The following CDH11 variants were observed in gnomAD, a reference collection of about 807,000 sequenced individuals.
The protein encoded by CDH11 is cadherin-11.
In CDH11, 11 loss-of-function variants were observed where a neutral mutation model predicts 67.8. The observed-to-expected ratio is 0.16, with a 90% CI of 0.10 to 0.27. CDH11 has a LOEUF of 0.27. Among genes scored for constraint, CDH11 ranks in the 10% least tolerant of loss-of-function variants. CDH11 has a pLI of 1.00. For synonymous variants in CDH11, 419 were observed against 400.0 expected (o/e 1.05, Z -0.57); for missense variants, 847 against 1,031.2 (o/e 0.82, Z 2.45).
In CDH11 at chr16:65,121,137, C is replaced by G. The variant is rs574928417; in HGVS notation, c.-298+743G>C. On this transcript the variant is annotated intron_variant, in intron 1 of 12. Transcript: ENST00000268603. The surrounding 1 kb of genome is among the most constrained non-coding windows in gnomAD (Gnocchi z 4.1). ...GCTTTCGCCAATCCCAAGCCAGAGG[C>G]GAGCCCGAGTCTGGGCCGCTCATGG... Among the ~76,000 whole-genome samples the G allele has an allele frequency of 2.0e-5, 3 of 152,118 alleles. No individual in the cohort carries two copies. The highest frequency in any genetic ancestry group is 6.5e-5 in the Admixed American group (1 of 15,286).
intron 2 of CDH11, among the ~76,000 whole-genome samples, chr16:65,045,582 C>T (rs111880789): frequency 2.3e-4 from 35 of 151,924 alleles, no homozygotes; most frequent in African/African-American, 8.5e-4. Flanking sequence ...CCCTTTACTT[C>T]CCTGATTTAT....
chr16:65,005,138 C>T (rs2073020736), intron 2 of CDH11, 97 bp from the exon 3 acceptor site: 10 of 1,127,382 alleles, frequency 8.9e-6, no homozygotes, highest in African/African-American at 1.6e-5. Context: ...GAGTTTATCA[C>T]GTGGGAGCTA....
chr16:65,084,594 G>T (rs1045236115), intron 1 of CDH11, among the ~76,000 whole-genome samples: 3 of 152,140 alleles, frequency 2.0e-5, no homozygotes, highest in African/African-American at 7.2e-5. Flanking sequence ...GAGAATAGTC[G>T]TCATTTTTGT....
intron 6 of CDH11, 49 bp downstream of exon 6, chr16:64,991,719 A>T (rs1745935920): frequency 1.4e-6 from 2 of 1,426,416 alleles, no homozygotes; most frequent in African/African-American, 1.4e-5. Flanking sequence ...GGAGGGAGAG[A>T]GCTGGCTGTG....
At chr16:64,971,086 A>T (rs555541396) in intron 11 of CDH11, among the ~76,000 whole-genome samples, 1 of 152,362 alleles carries the variant, frequency 6.6e-6, no homozygotes, top group Admixed American at 6.5e-5. Context: ...GCTTTGTTTC[A>T]TGCCCTTCAG....
intron 2 of CDH11, among the ~76,000 whole-genome samples, chr16:65,027,395 G>A (rs1423867251): frequency 6.6e-6 from 1 of 152,132 alleles, no homozygotes; most frequent in Non-Finnish European, 1.5e-5. Context: ...TTGCGCTCAG[G>A]GATCTTACAT....
At chr16:65,119,333 G>A (rs1331973018) in intron 1 of CDH11, among the ~76,000 whole-genome samples, 2 of 151,906 alleles carry the variant, frequency 1.3e-5, no homozygotes, top group African/African-American at 4.8e-5. Flanking sequence ...ACTCTACAGA[G>A]GGAACATGAG....
chr16:64,966,173 T>G (rs1291718361), intron 11 of CDH11, among the ~76,000 whole-genome samples: 1 of 152,044 alleles, frequency 6.6e-6, no homozygotes. Flanking sequence ...ATAAACTTAA[T>G]AAGAAATGCA....
chr16:64,984,819 G>C (rs751713710), intron 7 of CDH11: 9 of 152,164 alleles, frequency 5.9e-5, no homozygotes, highest in Non-Finnish European at 1.3e-4. Flanking sequence ...GTGACATTAA[G>C]TTAACAAATC....
chr16:64,953,957 T>C (rs1254391967), intron 11 of CDH11, among the ~76,000 whole-genome samples: 3 of 152,346 alleles, frequency 2.0e-5, no homozygotes, highest in African/African-American at 7.2e-5. Context: ...GGGAACAGAA[T>C]ATTTTTATTT....
rs547615285 is a variant in CDH11, at chr16:65,053,901, G to T, written c.-270C>A. On this transcript the variant is annotated 5_prime_UTR_variant, in exon 2 of 13. Transcript: ENST00000268603. ...ATGACAACACGAAGGAATGTCACAGGGCCGCTGAGCTGAAAACACAGTGAT... is the reference window on the plus strand; with the variant it reads ...ATGACAACACGAAGGAATGTCACAGTGCCGCTGAGCTGAAAACACAGTGAT... The T allele has an allele frequency of 3.3e-5, 15 of 456,006 alleles. No individual in the cohort carries two copies. Among genetic ancestry groups the T allele is most frequent in the Non-Finnish European group, 6.2e-5 (14 of 226,796 alleles). The allele number at this position is 456,006 out of a possible 1,614,324, so 28.2% of individuals were successfully genotyped here.
chr16:65,010,818 T>G (rs377290311), intron 2 of CDH11, among the ~76,000 whole-genome samples: 1 of 151,974 alleles, frequency 6.6e-6, no homozygotes, highest in Non-Finnish European at 1.5e-5. Flanking sequence ...CACTCATGAT[T>G]TACATTAAAT....
In CDH11 at chr16:65,075,163, C is replaced by G. The variant is rs185398255; in HGVS notation, c.-297-21235G>C. Among the ~76,000 whole-genome samples, 28 of 152,302 alleles carry G rather than the reference C, an allele frequency of 1.8e-4. No homozygotes were observed. The East Asian group carries it at 5.0e-3, about 27-fold the overall frequency. The stretch of plus-strand genomic sequence containing the variant: ...CTGCCAGCCTGGTCTGTCAGCTAGA[C>G]TTGGATAGGGAAAAATGGGGGGAAA... On this transcript the variant is annotated intron_variant, in intron 1 of 12. Transcript: ENST00000268603.
chr16:64,961,352 G>A (rs1401502119), intron 11 of CDH11, among the ~76,000 whole-genome samples: 1 of 152,008 alleles, frequency 6.6e-6, no homozygotes, highest in Non-Finnish European at 1.5e-5. Flanking sequence ...AATTTTCCTT[G>A]GCTGCTCAAG....
intron 1 of CDH11, among the ~76,000 whole-genome samples, chr16:65,085,271 A>C (rs749399162): frequency 5.9e-5 from 9 of 152,192 alleles, no homozygotes; most frequent in Non-Finnish European, 8.8e-5. Context: ...TTACCAGCCA[A>C]AGCTGCATAG....
intron 11 of CDH11, among the ~76,000 whole-genome samples, chr16:64,965,205 CAAAAAAAAAA>C (rs71143537): frequency 0.055 from 3,108 of 57,026 alleles, 102 homozygotes; most frequent in South Asian, 0.37. Flanking sequence ...CTAAAAATAC[CAAAAAAAAAA>C]AAAAAAAAAA....
At position 64,991,681 on chromosome 16, in the gene CDH11, T is replaced by A. The variant is rs536989471; in HGVS notation, c.811+87A>T. Reference sequence around the variant, plus strand: ...TTAGTTTTCTAGATTTTCTTTTTGATACCTCAGTAAAGCAGGAATAGGTTA... The same window carrying A: ...TTAGTTTTCTAGATTTTCTTTTTGAAACCTCAGTAAAGCAGGAATAGGTTA... On this transcript the variant is annotated intron_variant, in intron 6 of 12. Coordinates refer to ENST00000268603, the MANE Select transcript of CDH11 (RefSeq NM_001797.4). 69 of 893,214 alleles carry A rather than the reference T, an allele frequency of 7.7e-5. 1 individual carries two copies. In the South Asian group the frequency reaches 1.3e-3, roughly 16 times the overall value. 55.3% of individuals were successfully genotyped at this position (893,214 alleles called of 1,614,324 possible).
rs867146140 is a variant in CDH11, at chr16:64,988,234, C to T, written c.922G>A (p.Val308Ile). The T allele has an allele frequency of 3.7e-6, 6 of 1,613,460 alleles. No individual in the cohort carries two copies. The highest frequency in any genetic ancestry group is 5.1e-6 in the Non-Finnish European group (6 of 1,179,484). ...AACGATTCCATACCATCTCCATCAACAATATTGTATGTGACTAAGCCATTT... is the reference window on the plus strand; with the variant it reads ...AACGATTCCATACCATCTCCATCAATAATATTGTATGTGACTAAGCCATTT... ...GENGLVTYNI[V>I]DGDGMESFEI... Residue 308 changes from valine (V) to isoleucine (I), a missense_variant, in exon 7 of 13, where the codon GTT becomes ATT. Physicochemically the swap from Val to Ile is conservative, Grantham distance 29 (BLOSUM62 3). Around this residue, in one of 2 missense-constraint regions of CDH11, gnomAD observed 612 missense variants for 678.7 expected, o/e 0.90. Coordinates refer to ENST00000268603, the MANE Select transcript of CDH11 (RefSeq NM_001797.4).
chr16:64,997,553 T>C (rs887274015), intron 4 of CDH11, among the ~76,000 whole-genome samples: 3 of 152,150 alleles, frequency 2.0e-5, no homozygotes, highest in Admixed American at 1.3e-4. Flanking sequence ...TATGGATTTA[T>C]TTGATATTTG....
Sources: allele counts gnomAD v4.1 joint callset (sites outside exome capture counted in the v4.1 genomes callset), GRCh38; gene constraint gnomAD v4.1.1; regional missense constraint gnomAD v4.1.1; non-coding constraint Gnocchi (gnomAD v3.1); transcripts MANE v1.5; gene names NCBI Gene and HGNC (gene_info 2026-07-23, HGNC 2026-07-21).